NRG3: variants seen among roughly 807,000 people sequenced by gnomAD.
NRG3 encodes the protein neuregulin 3.
A neutral mutation model predicts 66.9 loss-of-function variants in NRG3; 31 were observed. The ratio of observed to expected loss-of-function variants is 0.46; its 90% CI spans 0.35 to 0.63. The LOEUF (loss-of-function observed/expected upper bound fraction) is 0.63, where lower values mean the gene tolerates loss of function less well. NRG3 is among the 20% of genes least tolerant of loss of function. The pLI, the probability that NRG3 is intolerant of heterozygous loss-of-function variation, is 0.00. For synonymous variants in NRG3, 393 were observed against 359.4 expected (o/e 1.09, Z -1.06); for missense variants, 910 against 878.9 (o/e 1.04, Z -0.45).
chr10:82,715,476 T>A (rs941085855), intron 2 of NRG3, among the ~76,000 whole-genome samples: 12 of 152,218 alleles, frequency 7.9e-5, no homozygotes, highest in African/African-American at 2.7e-4. Context: ...AATTGCACTT[T>A]ATTCTAGAAC....
intron 2 of NRG3, among the ~76,000 whole-genome samples, chr10:82,548,447 AATC>A (rs1374243092): frequency 1.3e-5 from 2 of 151,006 alleles, no homozygotes; most frequent in East Asian, 3.9e-4. Context: ...TTGTCTGAAT[AATC>A]ATGGCCTTGT....
chr10:82,913,801 G>A (rs1845562898), intron 4 of NRG3, among the ~76,000 whole-genome samples: 1 of 152,090 alleles, frequency 6.6e-6, no homozygotes, highest in Admixed American at 6.5e-5. Flanking sequence ...TCCATGGTTG[G>A]TATTCTCCAG....
chr10:82,843,255 T>C (rs1321842897), intron 3 of NRG3: 1 of 455,236 alleles, frequency 2.2e-6, no homozygotes, highest in South Asian at 1.6e-5. Context: ...AGAGGAATTA[T>C]GTCATGAGGG....
chr10:81,927,562 T>G (rs2132945809), intron 1 of NRG3, among the ~76,000 whole-genome samples: 1 of 152,352 alleles, frequency 6.6e-6, no homozygotes, highest in South Asian at 2.1e-4. Flanking sequence ...CATATTTATT[T>G]ACTTAGTCAT....
intron 1 of NRG3, among the ~76,000 whole-genome samples, chr10:81,911,339 G>A (rs1046568611): frequency 1.2e-4 from 18 of 152,132 alleles, no homozygotes; most frequent in African/African-American, 4.3e-4. Flanking sequence ...TGCAAAGCCT[G>A]CTATGGTGCA....
At chr10:82,654,000 T>G (rs538541831) in intron 2 of NRG3, among the ~76,000 whole-genome samples, 79 of 152,286 alleles carry the variant, frequency 5.2e-4, no homozygotes, top group African/African-American at 1.9e-3. Context: ...AGCCAAAATT[T>G]GTAGCTGAAA....
At chr10:82,349,241 T>C (rs2083242290) in intron 1 of NRG3, among the ~76,000 whole-genome samples, 1 of 151,776 alleles carries the variant, frequency 6.6e-6, no homozygotes, top group Non-Finnish European at 1.5e-5. Context: ...AGATGGGTTT[T>C]TGGTGTGGAT....
intron 1 of NRG3, among the ~76,000 whole-genome samples, chr10:81,962,654 G>T (rs2059563652): frequency 6.6e-6 from 1 of 152,194 alleles, no homozygotes; most frequent in African/African-American, 2.4e-5. Context: ...TTGCTCATGA[G>T]TTTGCAGGTA....
At chr10:82,615,430 C>G (rs1357006692) in intron 2 of NRG3, among the ~76,000 whole-genome samples, 1 of 151,950 alleles carries the variant, frequency 6.6e-6, no homozygotes, top group East Asian at 1.9e-4. Context: ...ATTACTTCAC[C>G]TATAGGCTAT....
intron 1 of NRG3, among the ~76,000 whole-genome samples, chr10:81,883,692 T>C (rs9943448): frequency 0.027 from 4,074 of 152,286 alleles, 135 homozygotes; most frequent in African/African-American, 0.076. Context: ...TTCTTAAATA[T>C]ATCAGCCTTC....
At chr10:81,983,048 T>TG (rs1163751592) in intron 1 of NRG3, among the ~76,000 whole-genome samples, 1 of 152,170 alleles carries the variant, frequency 6.6e-6, no homozygotes. Flanking sequence ...GAGGGCTATG[T>TG]AGACTGTGTC....
Position 81,875,620 on chromosome 10 carries a change from G to C in NRG3, c.280G>C (p.Val94Leu), listed in dbSNP as rs766451825. ...TCTCAAATGGATCGTGGTGGGCTCC[G>C]TCAAGGAGTACGTGCCCACCGACCT... ...MLLKWIVVGS[V>L]KEYVPTDLVD... The change falls in exon 1 of 9, where the codon GTC becomes CTC. Residue 94 changes from valine to leucine, a missense_variant. Transcript: ENST00000372141. The surrounding 1 kb of genome is among the most constrained non-coding windows in gnomAD (Gnocchi z 5.3). 6.2e-7 allele frequency: 1 copy of C among 1,613,494 alleles called. No homozygotes were observed. Among genetic ancestry groups the C allele is most frequent in the Non-Finnish European group, 8.5e-7 (1 of 1,179,956 alleles).
chr10:81,989,988 A>G (rs1251718938), intron 1 of NRG3, among the ~76,000 whole-genome samples: 5 of 152,170 alleles, frequency 3.3e-5, no homozygotes, highest in Admixed American at 3.3e-4. Context: ...TTTTTACAGT[A>G]GGAATATTAT....
At chr10:82,687,653 G>C (rs1292550871) in intron 2 of NRG3, among the ~76,000 whole-genome samples, 1 of 152,036 alleles carries the variant, frequency 6.6e-6, no homozygotes, top group African/African-American at 2.4e-5. Flanking sequence ...GAATCAAGTT[G>C]CATGTTGGTG....
chr10:82,059,506 A>AAAGG (rs1013787294), intron 1 of NRG3, among the ~76,000 whole-genome samples: 1 of 151,716 alleles, frequency 6.6e-6, no homozygotes, highest in African/African-American at 2.4e-5. Flanking sequence ...AACGTGATAG[A>AAAGG]AGGAGGAGCT....
chr10:82,584,350 T>G (rs2046542678), intron 2 of NRG3, among the ~76,000 whole-genome samples: 1 of 152,152 alleles, frequency 6.6e-6, no homozygotes, highest in Non-Finnish European at 1.5e-5. Flanking sequence ...CCTCCCAAAG[T>G]GCTGGGATTA....
chr10:82,764,927 T>C (rs2059462864), intron 3 of NRG3, among the ~76,000 whole-genome samples: 1 of 152,102 alleles, frequency 6.6e-6, no homozygotes, highest in African/African-American at 2.4e-5. Flanking sequence ...TGCTCCTTAT[T>C]TGAAAATCAT....
At chr10:81,894,115 C>T (rs1266392439) in intron 1 of NRG3, among the ~76,000 whole-genome samples, 2 of 152,054 alleles carry the variant, frequency 1.3e-5, no homozygotes, top group South Asian at 4.1e-4. Flanking sequence ...CCGAGGCAGG[C>T]AGATCACTTG....
At chr10:82,195,926 G>C (rs569671670) in intron 1 of NRG3, among the ~76,000 whole-genome samples, 5 of 152,310 alleles carry the variant, frequency 3.3e-5, no homozygotes, top group Non-Finnish European at 7.3e-5. Context: ...TACATCCCCT[G>C]CAGTCTCCAA....
Sources: gnomAD v4.1 joint callset for allele counts (sites outside exome capture counted in the v4.1 genomes callset) on GRCh38, gnomAD v4.1.1 for gene constraint, Gnocchi (gnomAD v3.1) non-coding constraint, MANE v1.5 for transcripts, NCBI Gene and HGNC (gene_info 2026-07-23, HGNC 2026-07-21) for gene names.